The following AP3S1 variants were observed in gnomAD, a reference collection of about 807,000 sequenced individuals.
AP3S1 encodes the protein adaptor related protein complex 3 subunit sigma 1.
Under a neutral mutation model 21.3 loss-of-function variants are expected in AP3S1, and 12 were observed. That is an observed-to-expected ratio of 0.56 (90% CI 0.36 to 0.91). The LOEUF is 0.91. AP3S1 is among the 40% of genes least tolerant of loss of function. AP3S1 has a pLI of 0.01. For synonymous variants in AP3S1, 48 were observed against 78.4 expected (o/e 0.61, Z 2.05); for missense variants, 116 against 225.0 (o/e 0.52, Z 3.10).
chr5:115,877,529 A>G (rs1748840068), intron 3 of AP3S1, among the ~76,000 whole-genome samples: 1 of 152,046 alleles, frequency 6.6e-6, no homozygotes, highest in African/African-American at 2.4e-5. Flanking sequence ...AAGGACAGGA[A>G]CTCATCCTTT....
intron 1 of AP3S1, among the ~76,000 whole-genome samples, chr5:115,846,857 G>A (rs1239806165): frequency 3.9e-5 from 6 of 152,116 alleles, no homozygotes; most frequent in Admixed American, 3.3e-4. Flanking sequence ...GTTATAATGC[G>A]TTTGTCTGCA....
chr5:115,894,355 C>T (rs1750563664), intron 3 of AP3S1, among the ~76,000 whole-genome samples: 1 of 152,186 alleles, frequency 6.6e-6, no homozygotes, highest in African/African-American at 2.4e-5. Context: ...AGCAGGCATT[C>T]ACTATAAATC....
At chr5:115,868,914 A>G (rs1423182190) in intron 2 of AP3S1, among the ~76,000 whole-genome samples, 1 of 123,162 alleles carries the variant, frequency 8.1e-6, no homozygotes, top group East Asian at 2.9e-4. Context: ...ACAGAGAAAG[A>G]GAGGATGAAG....
At chr5:115,908,962 C>A (rs1751879899) in intron 5 of AP3S1, 2 of 982,464 alleles carry the variant, frequency 2.0e-6, no homozygotes, top group South Asian at 9.4e-5. Flanking sequence ...TGTTGGTGTT[C>A]TTTCACTTTG....
At position 115,845,836 on chromosome 5, in the gene AP3S1, C is replaced by CAAAAAAAAAAAAA. The variant is rs755171274; in HGVS notation, c.69+3756_69+3768dup. Among the ~76,000 whole-genome samples the CAAAAAAAAAAAAA allele has an allele frequency of 4.4e-4, 15 of 34,452 alleles. 3 individuals are homozygous for CAAAAAAAAAAAAA. Among genetic ancestry groups the CAAAAAAAAAAAAA allele is most frequent in the Admixed American group, 1.5e-3 (3 of 1,966 alleles). The allele number at this position is 34,452 out of a possible 152,430, so 22.6% of individuals were successfully genotyped here. A position where few individuals can be genotyped will look rare whatever the true frequency, so the allele number is the denominator to read the frequency against. ...TGGGTGACAGAGTGAGACTCCATCT[C>CAAAAAAAAAAAAA]AAAAAAAAAAAAAAAAAAAAAAAAA... is the stretch of plus-strand genomic sequence containing the variant. On this transcript the variant is annotated intron_variant, in intron 1 of 5. Coordinates refer to ENST00000316788, the MANE Select transcript of AP3S1 (RefSeq NM_001284.4).
In AP3S1 at chr5:115,885,951, A is replaced by G. The variant is rs555154467; in HGVS notation, c.274-9136A>G. Among the ~76,000 whole-genome samples the G allele has an allele frequency of 3.3e-5, 5 of 152,242 alleles. No homozygotes were observed. The South Asian group carries it at 1.0e-3, about 32-fold the overall frequency. On this transcript the variant is annotated intron_variant, in intron 3 of 5. Transcript: ENST00000316788. ...GGGTGCTGTAAGTATGGACAGTTCA[A>G]ATTTTTGCTTTATACTTTTCTGTAT...
At chr5:115,874,177 CT>C (rs1748509172) in intron 3 of AP3S1, among the ~76,000 whole-genome samples, 1 of 151,898 alleles carries the variant, frequency 6.6e-6, no homozygotes, top group Non-Finnish European at 1.5e-5. Flanking sequence ...TTAAAAATTC[CT>C]TGTAAGTTTG....
At chr5:115,891,032 G>A (rs1255296303) in intron 3 of AP3S1, among the ~76,000 whole-genome samples, 1 of 152,168 alleles carries the variant, frequency 6.6e-6, no homozygotes, top group African/African-American at 2.4e-5. Context: ...ACAGGAGTCT[G>A]TTGTATCAAA....
At chr5:115,847,639 G>T (rs1762157406) in intron 1 of AP3S1, among the ~76,000 whole-genome samples, 1 of 151,904 alleles carries the variant, frequency 6.6e-6, no homozygotes, top group African/African-American at 2.4e-5. Flanking sequence ...AAAAATATAT[G>T]TTTTTATTGA....
intron 3 of AP3S1, among the ~76,000 whole-genome samples, chr5:115,881,656 T>C (rs1459675789): frequency 6.6e-6 from 1 of 152,154 alleles, no homozygotes; most frequent in Admixed American, 6.5e-5. Context: ...ATTTCAACCT[T>C]GGTGAATCTG....
intron 3 of AP3S1, among the ~76,000 whole-genome samples, chr5:115,886,580 C>T (rs568624835): frequency 1.3e-5 from 2 of 152,186 alleles, no homozygotes; most frequent in South Asian, 4.2e-4. Context: ...AAAATGTGTA[C>T]TAGTCGACTG....
chr5:115,869,944 G>T, intron 2 of AP3S1, 73 bp from the exon 3 acceptor site: 1 of 911,008 alleles, frequency 1.1e-6, no homozygotes, highest in Non-Finnish European at 1.6e-6. Flanking sequence ...TAAACAAATT[G>T]TCAGTTTGCT....
chr5:115,879,114 T>C (rs1749036980), intron 3 of AP3S1, among the ~76,000 whole-genome samples: 1 of 152,154 alleles, frequency 6.6e-6, no homozygotes, highest in African/African-American at 2.4e-5. Flanking sequence ...CTATGGAGTT[T>C]TCTAAATATA....
chr5:115,846,351 G>T (rs1267095690), intron 1 of AP3S1, among the ~76,000 whole-genome samples: 1 of 152,090 alleles, frequency 6.6e-6, no homozygotes, highest in African/African-American at 2.4e-5. Context: ...TCTTTTGTGT[G>T]AATTATCTTA....
intron 5 of AP3S1, chr5:115,903,935 T>C (rs1052378509): frequency 6.6e-6 from 1 of 152,014 alleles, no homozygotes; most frequent in Non-Finnish European, 1.5e-5. Context: ...ATAAATAAAT[T>C]AGCTGGGCAC....
intron 5 of AP3S1, among the ~76,000 whole-genome samples, chr5:115,912,320 C>A (rs752028163): frequency 3.9e-5 from 6 of 151,956 alleles, no homozygotes; most frequent in Non-Finnish European, 8.8e-5. Flanking sequence ...AATGATGCCA[C>A]TGAACTCAGA....
At chr5:115,859,977 G>A (rs749377847) in intron 1 of AP3S1, among the ~76,000 whole-genome samples, 4 of 152,126 alleles carry the variant, frequency 2.6e-5, no homozygotes, top group Non-Finnish European at 4.4e-5. Flanking sequence ...CAAACTTATC[G>A]TTGTACGGTT....
intron 5 of AP3S1, among the ~76,000 whole-genome samples, chr5:115,908,573 C>G (rs1455219708): frequency 6.6e-6 from 1 of 152,058 alleles, no homozygotes; most frequent in Non-Finnish European, 1.5e-5. Context: ...TTAGTCTGCT[C>G]TCTTTTTTTC....
intron 4 of AP3S1, among the ~76,000 whole-genome samples, chr5:115,896,954 T>C (rs922421290): frequency 6.6e-6 from 1 of 152,172 alleles, no homozygotes; most frequent in African/African-American, 2.4e-5. Flanking sequence ...TATATTTTTT[T>C]TACTAGAGAA....
Sources: allele counts gnomAD v4.1 joint callset (sites outside exome capture counted in the v4.1 genomes callset), GRCh38; gene constraint gnomAD v4.1.1; transcripts MANE v1.5; gene names NCBI Gene and HGNC (gene_info 2026-07-23, HGNC 2026-07-21).